The following NRG1 variants were observed in gnomAD, a reference collection of about 807,000 sequenced individuals.
The protein encoded by NRG1 is neuregulin 1, also known as pro-neuregulin-1, membrane-bound isoform.
In NRG1, 18 loss-of-function variants were observed where a neutral mutation model predicts 63.8. The observed-to-expected ratio is 0.28, with a 90% confidence interval of 0.19 to 0.42. The LOEUF is 0.42. Among genes scored for constraint, NRG1 ranks in the 10% least tolerant of loss-of-function variants. The probability of loss-of-function intolerance (pLI) is 1.00; values close to 1 mark genes in which losing one functional copy is unlikely to be tolerated. For missense variants in NRG1, 762 were observed against 814.7 expected, an observed-to-expected ratio of 0.94 and a Z score of 0.79; for synonymous variants, 302 against 301.3, an observed-to-expected ratio of 1.00 and a Z score of -0.02.
At chr8:32,511,064 C>A (rs912898583) in intron 1 of NRG1, among the ~76,000 whole-genome samples, 2 of 149,680 alleles carry the variant, frequency 1.3e-5, no homozygotes, top group Non-Finnish European at 3.0e-5. Context: ...AATTTTCTCA[C>A]CATGCTTATA....
chr8:31,943,344 A>G (rs1188493894), intron 1 of NRG1, among the ~76,000 whole-genome samples: 3 of 152,060 alleles, frequency 2.0e-5, no homozygotes, highest in African/African-American at 7.2e-5. Context: ...GAAGATCCAA[A>G]GGCATAAGAA....
At chr8:32,206,565 G>T (rs1016754341) in intron 1 of NRG1, among the ~76,000 whole-genome samples, 1 of 152,126 alleles carries the variant, frequency 6.6e-6, no homozygotes, top group Non-Finnish European at 1.5e-5. Flanking sequence ...GAAAAGAAAA[G>T]TCTTCTATCT....
intron 1 of NRG1, among the ~76,000 whole-genome samples, chr8:32,105,199 T>A (rs1210927297): frequency 2.0e-5 from 3 of 152,166 alleles, no homozygotes; most frequent in Non-Finnish European, 4.4e-5. Flanking sequence ...CCACATCATA[T>A]AGGCAATCCA....
intron 1 of NRG1, among the ~76,000 whole-genome samples, chr8:32,465,825 T>C (rs1420839770): frequency 6.6e-6 from 1 of 152,202 alleles, no homozygotes; most frequent in Non-Finnish European, 1.5e-5. Context: ...TTTACAGTCA[T>C]GTAATCATGG....
At chr8:32,439,559 A>C (rs1269950430) in intron 1 of NRG1, among the ~76,000 whole-genome samples, 3 of 152,134 alleles carry the variant, frequency 2.0e-5, no homozygotes, top group African/African-American at 7.2e-5. Context: ...TTTGCTCCCC[A>C]AACCCTATTT....
intron 1 of NRG1, among the ~76,000 whole-genome samples, chr8:32,109,552 A>G (rs893395703): frequency 2.6e-5 from 4 of 152,170 alleles, no homozygotes; most frequent in Admixed American, 6.5e-5. Flanking sequence ...AATTCCAGCC[A>G]GAACCACACA....
At chr8:31,766,003 T>G (rs1453293980) in intron 1 of NRG1, among the ~76,000 whole-genome samples, 5 of 152,196 alleles carry the variant, frequency 3.3e-5, no homozygotes, top group Admixed American at 3.3e-4. Flanking sequence ...CTTTATCATT[T>G]ATTGCTTTAC....
chr8:32,323,899 T>C (rs887189886), intron 1 of NRG1, among the ~76,000 whole-genome samples: 2 of 152,192 alleles, frequency 1.3e-5, no homozygotes, highest in African/African-American at 4.8e-5. Context: ...AAAGTCCACC[T>C]TGGAATAATA....
chr8:31,731,859 C>T (rs981405761), intron 1 of NRG1, among the ~76,000 whole-genome samples: 3 of 152,114 alleles, frequency 2.0e-5, no homozygotes, highest in Admixed American at 1.3e-4. Flanking sequence ...ACGTTATTTG[C>T]AAGACATCTA....
At chr8:32,662,351 G>C (rs1338924029) in intron 5 of NRG1, among the ~76,000 whole-genome samples, 3 of 152,192 alleles carry the variant, frequency 2.0e-5, no homozygotes, top group Non-Finnish European at 4.4e-5. Flanking sequence ...TAAGCCAATG[G>C]CTTAAGTGTA....
chr8:31,768,493 AAT>A lies in NRG1; in HGVS notation c.37+129063_37+129064del, dbSNP rs577767717. 3.8e-3 allele frequency among the ~76,000 whole-genome samples: 584 copies of A among 152,318 alleles called. 1 individual carries two copies. The highest frequency in any genetic ancestry group is 0.02 in the Middle Eastern group (6 of 294). ...GTGCATCATCTGTGAAGATGACTGGAATGTTAGCCCACTGAAGTTATAACTTG... is the reference window on the plus strand; with the variant it reads ...GTGCATCATCTGTGAAGATGACTGGAGTTAGCCCACTGAAGTTATAACTTG... On this transcript the variant is annotated intron_variant, in intron 1 of 10. Transcript: ENST00000519301.
chr8:32,194,415 A>G (rs1175772186), intron 1 of NRG1, among the ~76,000 whole-genome samples: 1 of 152,200 alleles, frequency 6.6e-6, no homozygotes, highest in African/African-American at 2.4e-5. Flanking sequence ...TTAAATAGCA[A>G]GAATGGCATG....
chr8:32,716,921 T>C (rs985982665), intron 5 of NRG1, among the ~76,000 whole-genome samples: 4 of 150,968 alleles, frequency 2.6e-5, no homozygotes, highest in African/African-American at 7.3e-5. Context: ...AGAAAAGGAG[T>C]GTGCACACCT....
chr8:31,685,990 T>A (rs1188723937), intron 1 of NRG1, among the ~76,000 whole-genome samples: 9 of 152,214 alleles, frequency 5.9e-5, no homozygotes, highest in African/African-American at 2.2e-4. Context: ...ACATATGTTT[T>A]TATTTCTCTT....
intron 5 of NRG1, among the ~76,000 whole-genome samples, chr8:32,691,435 C>T (rs912900950): frequency 9.2e-5 from 14 of 152,188 alleles, no homozygotes; most frequent in African/African-American, 3.4e-4. Context: ...CTCCATTTCC[C>T]CTATTGATAA....
chr8:32,077,312 A>T (rs1197551974), intron 1 of NRG1, among the ~76,000 whole-genome samples: 1 of 152,172 alleles, frequency 6.6e-6, no homozygotes, highest in East Asian at 1.9e-4. Context: ...GGTTGCAGTG[A>T]GCTGAAATCG....
intron 1 of NRG1, among the ~76,000 whole-genome samples, chr8:32,169,606 G>A (rs773940584): frequency 2.6e-5 from 4 of 152,076 alleles, no homozygotes; most frequent in Admixed American, 6.6e-5. Flanking sequence ...TAAATATGGA[G>A]GATTGAAACA....
chr8:32,716,084 G>T, intron 5 of NRG1, among the ~76,000 whole-genome samples: 1 of 152,160 alleles, frequency 6.6e-6, no homozygotes, highest in Admixed American at 6.5e-5. Flanking sequence ...CCCTTGGTGG[G>T]ATTCAGAAGT....
rs572226705 is a variant in NRG1 at position 32,125,079 on chromosome 8, A to G, written c.38-470749A>G. Among the ~76,000 whole-genome samples, 193 of 151,938 alleles carry G rather than the reference A, an allele frequency of 1.3e-3. 2 individuals are homozygous for G. Among genetic ancestry groups the G allele is most frequent in the African/African-American group, 4.5e-3 (185 of 41,514 alleles). ...TAACTTAGGCCCTTTTTGCCTTTCTATCTTCCAACATGTGAGGACATAGCA... is the reference window on the plus strand; with the variant it reads ...TAACTTAGGCCCTTTTTGCCTTTCTGTCTTCCAACATGTGAGGACATAGCA... On this transcript the variant is annotated intron_variant, in intron 1 of 10. Transcript: ENST00000519301.
Sources: gnomAD v4.1 joint callset for allele counts (sites outside exome capture counted in the v4.1 genomes callset) on GRCh38, gnomAD v4.1.1 for gene constraint, MANE v1.5 for transcripts, NCBI Gene and HGNC (gene_info 2026-07-23, HGNC 2026-07-21) for gene names.